Variants in LHCGR observed in about 807,000 individuals in gnomAD.
The protein encoded by LHCGR is lutropin-choriogonadotropic hormone receptor.
In LHCGR, 55 loss-of-function variants were observed where a neutral mutation model predicts 60.7. That is an observed-to-expected ratio of 0.91 (90% CI 0.73 to 1.13). The LOEUF (loss-of-function observed/expected upper bound fraction) is 1.13. LHCGR is among the 50% of genes most tolerant of loss of function. The pLI is 0.00. For missense variants in LHCGR, 862 were observed against 836.0 expected, an observed-to-expected ratio of 1.03 and a Z score of -0.38; for synonymous variants, 337 against 316.5, an observed-to-expected ratio of 1.06 and a Z score of -0.69.
intron 7 of LHCGR, among the ~76,000 whole-genome samples, chr2:48,712,319 A>G (rs1210641801): frequency 1.3e-5 from 2 of 152,104 alleles, no homozygotes; most frequent in East Asian, 1.9e-4. Context: ...GGACTTAATC[A>G]TCTTCATTCC....
At chr2:48,736,059 A>G (rs918728713) in intron 1 of LHCGR, among the ~76,000 whole-genome samples, 1 of 152,092 alleles carries the variant, frequency 6.6e-6, no homozygotes, top group Non-Finnish European at 1.5e-5. Context: ...GCCTTCTGCC[A>G]TGATTGTAAG....
chr2:48,733,038 G>T (rs990526644), intron 1 of LHCGR: 1 of 517,608 alleles, frequency 1.9e-6, no homozygotes, highest in Non-Finnish European at 4.0e-6. Context: ...TTGGCTTCCT[G>T]ATTAAAAACA....
chr2:48,716,863 C>A (rs1352118675), intron 6 of LHCGR, among the ~76,000 whole-genome samples: 1 of 152,222 alleles, frequency 6.6e-6, no homozygotes, highest in African/African-American at 2.4e-5. Context: ...CCTCCATCCA[C>A]TGAATTAGAA....
intron 1 of LHCGR, among the ~76,000 whole-genome samples, chr2:48,741,497 C>G (rs1414478524): frequency 2.0e-5 from 3 of 152,070 alleles, no homozygotes; most frequent in African/African-American, 7.2e-5. Flanking sequence ...GATCTCTCGG[C>G]AGAAACTCTA....
intron 6 of LHCGR, among the ~76,000 whole-genome samples, chr2:48,722,544 A>T (rs894970525): frequency 6.6e-6 from 1 of 152,146 alleles, no homozygotes; most frequent in African/African-American, 2.4e-5. Context: ...TTCTTGTGAT[A>T]GAGTTCTCAT....
intron 1 of LHCGR, among the ~76,000 whole-genome samples, chr2:48,739,221 G>C (rs1028346953): frequency 1.3e-5 from 2 of 152,194 alleles, no homozygotes; most frequent in African/African-American, 4.8e-5. Flanking sequence ...GTGGGACTGT[G>C]AACTAGTTCA....
intron 1 of LHCGR, among the ~76,000 whole-genome samples, chr2:48,738,679 G>A (rs1322852065): frequency 1.3e-5 from 2 of 152,124 alleles, no homozygotes; most frequent in Non-Finnish European, 2.9e-5. Context: ...TGTGGCCACT[G>A]GGCAGTTGAA....
At chr2:48,723,719 G>T (rs1259897235) in intron 4 of LHCGR, 23 bp from the exon 5 acceptor site, 44 of 1,556,286 alleles carry the variant, frequency 2.8e-5, no homozygotes, top group Non-Finnish European at 3.8e-5. Flanking sequence ...ACAGGATAGT[G>T]GTGTGGGCAG....
chr2:48,702,821 G>A (rs562757804), intron 8 of LHCGR, among the ~76,000 whole-genome samples: 46 of 152,284 alleles, frequency 3.0e-4, no homozygotes, highest in African/African-American at 1.1e-3. Context: ...GGTATTTCTA[G>A]TTCTAGATCC....
intron 7 of LHCGR, among the ~76,000 whole-genome samples, chr2:48,712,807 C>T (rs1668058314): frequency 6.6e-6 from 1 of 152,090 alleles, no homozygotes; most frequent in African/African-American, 2.4e-5. Context: ...AATGAAGACA[C>T]TGTGGCTTAG....
intron 1 of LHCGR, among the ~76,000 whole-genome samples, chr2:48,733,843 G>A (rs1320196272): frequency 1.3e-5 from 2 of 151,826 alleles, no homozygotes; most frequent in African/African-American, 4.8e-5. Flanking sequence ...TCAAGTATCT[G>A]TCTCCAGAAT....
At chr2:48,719,435 T>A (rs1200554583) in intron 6 of LHCGR, among the ~76,000 whole-genome samples, 1 of 152,206 alleles carries the variant, frequency 6.6e-6, no homozygotes, top group Non-Finnish European at 1.5e-5. Flanking sequence ...TGTAGGGTCT[T>A]AGAAAATTAA....
Position 48,686,886 on chromosome 2 carries a change from T to C in LHCGR, c.*811A>G, listed in dbSNP as rs1459519267. On this transcript the variant is annotated 3_prime_UTR_variant, in exon 11 of 11. Coordinates refer to ENST00000294954, the MANE Select transcript of LHCGR (RefSeq NM_000233.4). ...TCAGAGTAATTCTAACTCAGCACAT[T>C]TGTAGTGTACCATTGCCAAGATCTT... 2.6e-5 allele frequency: 4 copies of C among 152,142 alleles called. No individual in the cohort carries two copies. Among genetic ancestry groups the C allele is most frequent in the African/African-American group, 9.6e-5 (4 of 41,452 alleles). The allele number at this position is 152,142 out of a possible 1,614,324, so 9.4% of individuals were successfully genotyped here.
intron 1 of LHCGR, among the ~76,000 whole-genome samples, chr2:48,739,367 A>G (rs1339044061): frequency 2.0e-5 from 3 of 152,206 alleles, no homozygotes; most frequent in Admixed American, 2.0e-4. Flanking sequence ...GCACACGTGT[A>G]TTTATTGCGG....
chr2:48,694,419 T>C, intron 9 of LHCGR, 115 bp from the exon 10 acceptor site: 1 of 706,224 alleles, frequency 1.4e-6, no homozygotes, highest in Non-Finnish European at 2.6e-6. Context: ...CACCAGCATC[T>C]CGTTCTGCAC....
chr2:48,723,500 T>TA lies in LHCGR; in HGVS notation c.491dup (p.Pro165ThrfsTer10). ...TCATCCCTTGAAAAGCATTTCCTGG[T>TA]ATGGTGGTTATGTGTAAGTTATCAC... On this transcript the variant is annotated frameshift_variant, in exon 6 of 11. Transcript: ENST00000294954. LOFTEE classifies it high-confidence loss of function. 1.9e-6 allele frequency: 3 copies of TA among 1,612,622 alleles called. No individual in the cohort carries two copies. Among genetic ancestry groups the TA allele is most frequent in the Non-Finnish European group, 2.5e-6 (3 of 1,178,686 alleles).
At position 48,696,485 on chromosome 2, in the gene LHCGR, A is replaced by G. The variant is rs955891771; in HGVS notation, c.866+2130T>C. On this transcript the variant is annotated intron_variant, in intron 9 of 10. Transcript: ENST00000294954. Reference sequence around the variant, plus strand: ...GACTTATATTGTAATAGCAATTTGTAAAACATCAGAAAATTGAATTGTAAC... The same window carrying G: ...GACTTATATTGTAATAGCAATTTGTGAAACATCAGAAAATTGAATTGTAAC... Among the ~76,000 whole-genome samples, 26 of 152,348 alleles carry G rather than the reference A, an allele frequency of 1.7e-4. No individual in the cohort carries two copies. In the Middle Eastern group the frequency reaches 0.014, roughly 80 times the overall value.
At chr2:48,738,842 T>G (rs7582814) in intron 1 of LHCGR, among the ~76,000 whole-genome samples, 55,880 of 152,138 alleles carry the variant, frequency 0.37, 12,199 homozygotes, top group East Asian at 0.69. Context: ...TAGACTAAAT[T>G]AAATGTTTTA....
chr2:48,729,324 A>G (rs889074352), intron 2 of LHCGR, 97 bp from the exon 3 acceptor site: 48 of 911,378 alleles, frequency 5.3e-5, no homozygotes, highest in Non-Finnish European at 7.7e-5. Flanking sequence ...ACAACTGGGG[A>G]CACCACTGTG....
Sources: allele counts gnomAD v4.1 joint callset (sites outside exome capture counted in the v4.1 genomes callset), GRCh38; gene constraint gnomAD v4.1.1; transcripts MANE v1.5; gene names NCBI Gene and HGNC (gene_info 2026-07-23, HGNC 2026-07-21).